Variants in NLRP4 observed in about 807,000 individuals in gnomAD.
The protein encoded by NLRP4 is NACHT, LRR and PYD domains-containing protein 4.
In NLRP4, 44 loss-of-function variants were observed where a neutral mutation model predicts 84.7. The observed-to-expected ratio is 0.52, with a 90% confidence interval of 0.41 to 0.67. The LOEUF (loss-of-function observed/expected upper bound fraction) is 0.67. Among genes scored for constraint, NLRP4 ranks in the 30% least tolerant of loss-of-function variants. The pLI is 0.00. For missense variants in NLRP4, 1,260 were observed against 1,219.4 expected (o/e 1.03, Z -0.50); for synonymous variants, 544 against 476.4 (o/e 1.14, Z -1.85).
At position 55,858,361 on chromosome 19, in the gene NLRP4, A is replaced by C. The variant is rs73935426; in HGVS notation, c.968A>C (p.Glu323Ala). 4.3e-4 allele frequency: 695 copies of C among 1,614,182 alleles called. 8 individuals are homozygous for C. In the African/African-American group the frequency reaches 8.6e-3, roughly 20 times the overall value. The stretch of plus-strand genomic sequence containing the variant: ...TTCAAAGACCCGAAAAGAGCCATGG[A>C]AGCCTTCAATCTTGTAAGAGAAAGT... ...CFFKDPKRAMEAFNLVRESEQ... is the reference protein window; with the variant it reads ...CFFKDPKRAMAAFNLVRESEQ... Residue 323 changes from glutamate (E) to alanine (A), a missense_variant, in exon 3 of 10, where the codon GAA becomes GCA. By Grantham distance (107) the Glu-to-Ala change is moderately radical. Around this residue, in one of 3 missense-constraint regions of NLRP4, gnomAD observed 712 missense variants for 669.2 expected, o/e 1.06. Transcript: ENST00000301295. The surrounding 1 kb of genome is among the most constrained non-coding windows in gnomAD (Gnocchi z 4.2).
chr19:55,857,726 G>A lies in NLRP4; in HGVS notation c.333G>A (p.Trp111Ter). Residue 111 changes from tryptophan (W) to a stop codon, truncating the protein, a stop_gained, in exon 3 of 10, where the codon TGG becomes TGA. Transcript: ENST00000301295. LOFTEE classifies it high-confidence loss of function. ...AHAKQKFSRL[W>*]SSKSVTEIHL... ...CAAAGCAGAAATTCAGCCGCTTATG[G>A]TCCAGCAAGTCTGTCACTGAGATTC... 1 of 1,613,782 alleles carries A rather than the reference G, an allele frequency of 6.2e-7. No homozygotes were observed.
intron 1 of NLRP4, among the ~76,000 whole-genome samples, chr19:55,847,984 G>T (rs983853297): frequency 6.6e-6 from 1 of 152,094 alleles, no homozygotes; most frequent in Non-Finnish European, 1.5e-5. Context: ...CAAAGTGCTG[G>T]GATGACAGGC....
intron 2 of NLRP4, among the ~76,000 whole-genome samples, chr19:55,856,120 A>C (rs1339653258): frequency 6.6e-6 from 1 of 152,086 alleles, no homozygotes; most frequent in East Asian, 1.9e-4. Flanking sequence ...TGGCCTCCCG[A>C]GTAGCTGGGA....
intron 7 of NLRP4, among the ~76,000 whole-genome samples, chr19:55,876,358 G>A (rs901338287): frequency 6.6e-6 from 1 of 152,034 alleles, no homozygotes; most frequent in African/African-American, 2.4e-5. Flanking sequence ...ATGGCATAGT[G>A]TGTGTTTTGA....
chr19:55,843,266 G>A (rs1238526661), intron 1 of NLRP4, among the ~76,000 whole-genome samples: 1 of 152,074 alleles, frequency 6.6e-6, no homozygotes, highest in African/African-American at 2.4e-5. Flanking sequence ...TTTCCCTTTT[G>A]TGTAACTTCT....
In NLRP4 at chr19:55,843,041, C is replaced by G. The variant is rs186669032; in HGVS notation, c.-66+6107C>G. On this transcript the variant is annotated intron_variant, in intron 1 of 9. Transcript: ENST00000301295. ...CCCAAAGTGCTGGGATTACAGGCGT[C>G]AGCCACCGTGCCTGGCCTTATTTCT... 5.8e-3 allele frequency among the ~76,000 whole-genome samples: 884 copies of G among 152,210 alleles called. 6 individuals carry two copies. Among genetic ancestry groups the G allele is most frequent in the Middle Eastern group, 0.014 (4 of 294 alleles).
At chr19:55,837,324 A>G (rs1983372125) in intron 1 of NLRP4, among the ~76,000 whole-genome samples, 1 of 152,144 alleles carries the variant, frequency 6.6e-6, no homozygotes, top group Admixed American at 6.5e-5. Context: ...GTTTACCTGT[A>G]TAACCAGTGT....
intron 1 of NLRP4, among the ~76,000 whole-genome samples, chr19:55,842,393 C>T (rs1245319496): frequency 6.6e-6 from 1 of 152,024 alleles, no homozygotes; most frequent in South Asian, 2.1e-4. Context: ...TTTTCCTCTT[C>T]TCTATTTACT....
chr19:55,879,835 T>C (rs1215790303), intron 9 of NLRP4, among the ~76,000 whole-genome samples: 3 of 152,068 alleles, frequency 2.0e-5, no homozygotes, highest in African/African-American at 7.2e-5. Context: ...CTTATTATTA[T>C]AATACAAATT....
chr19:55,858,712 AG>A lies in NLRP4; in HGVS notation c.1320del (p.Lys440AsnfsTer38). On this transcript the variant is annotated frameshift_variant, in exon 3 of 10. Coordinates refer to ENST00000301295, the MANE Select transcript of NLRP4 (RefSeq NM_134444.5). LOFTEE classifies it high-confidence loss of function. This position sits in a 1 kb window ranked among gnomAD's most constrained non-coding sequence, Gnocchi z 4.2. ...CTGCTGGGCACCAAGATACTTCTGA[AG>A]TACGGGGAGCGTGAGAGCTCCTACG... Reference protein sequence around the residue: ...PALLGTKILLKYGERESSYVF... With the variant: ...PALLGTKILLXYGERESSYVF... 6.2e-7 allele frequency: 1 copy of A among 1,614,106 alleles called. No homozygotes were observed. The highest frequency in any genetic ancestry group is 2.2e-5 in the East Asian group (1 of 44,870).
chr19:55,839,497 C>T (rs1307383013), intron 1 of NLRP4, among the ~76,000 whole-genome samples: 27 of 133,510 alleles, frequency 2.0e-4, no homozygotes, highest in Middle Eastern at 8.1e-3. Flanking sequence ...AAAAAAAAAG[C>T]TTTCAAAACT....
At chr19:55,876,031 C>T (rs145985188) in intron 7 of NLRP4, among the ~76,000 whole-genome samples, 1 of 152,068 alleles carries the variant, frequency 6.6e-6, no homozygotes, top group African/African-American at 2.4e-5. Flanking sequence ...GAGTGAAACT[C>T]CGTCTCAAAT....
chr19:55,867,729 C>T lies in NLRP4; in HGVS notation c.2207C>T (p.Ser736Leu), dbSNP rs757185245. The part of the protein sequence containing the change: ...KELALVNCHL[S>L]PIDCEVLAGL... The stretch of plus-strand genomic sequence containing the variant: ...TGCAGGCTGGTAAATTGTCACCTCT[C>T]ACCCATTGATTGTGAAGTCCTTGCT... Residue 736 changes from serine (S) to leucine (L), a missense_variant, in exon 6 of 10, where the codon TCA (serine) becomes TTA (leucine). This residue lies in a region of NLRP4 where 544 missense variants were observed against 531.7 expected (regional missense o/e 1.02). Coordinates refer to ENST00000301295, the MANE Select transcript of NLRP4 (RefSeq NM_134444.5). 1.9e-6 allele frequency: 3 copies of T among 1,613,990 alleles called. No individual in the cohort carries two copies. Among genetic ancestry groups the T allele is most frequent in the Non-Finnish European group, 2.5e-6 (3 of 1,179,880 alleles).
chr19:55,856,286 G>A (rs906259332), intron 2 of NLRP4, among the ~76,000 whole-genome samples: 14 of 151,838 alleles, frequency 9.2e-5, no homozygotes, highest in African/African-American at 1.7e-4. Context: ...GAGCCACTGC[G>A]CCCAGCCAAC....
At chr19:55,876,498 A>G (rs1213720420) in intron 7 of NLRP4, among the ~76,000 whole-genome samples, 3 of 152,006 alleles carry the variant, frequency 2.0e-5, no homozygotes, top group Non-Finnish European at 2.9e-5. Context: ...ACAGGCACGC[A>G]TCGCCATGCC....
intron 1 of NLRP4, among the ~76,000 whole-genome samples, chr19:55,841,131 T>C (rs1184367147): frequency 6.6e-6 from 1 of 152,228 alleles, no homozygotes; most frequent in Non-Finnish European, 1.5e-5. Flanking sequence ...TAGACACATT[T>C]CTTTGTAGTG....
At chr19:55,837,638 T>C (rs1159712021) in intron 1 of NLRP4, among the ~76,000 whole-genome samples, 1 of 141,462 alleles carries the variant, frequency 7.1e-6, no homozygotes, top group Non-Finnish European at 1.5e-5. Context: ...TCCTAACCCC[T>C]TTATAGGGTG....
chr19:55,845,987 G>A (rs549861653), intron 1 of NLRP4, among the ~76,000 whole-genome samples: 2 of 152,140 alleles, frequency 1.3e-5, no homozygotes, highest in African/African-American at 4.8e-5. Flanking sequence ...TGATCACTCT[G>A]ATGGTGGTTT....
intron 8 of NLRP4, among the ~76,000 whole-genome samples, chr19:55,877,991 C>T (rs1401557438): frequency 6.6e-6 from 1 of 152,146 alleles, no homozygotes; most frequent in African/African-American, 2.4e-5. Flanking sequence ...AGAAAACATC[C>T]AAGATCACCA....
Sources: gnomAD v4.1 joint callset for allele counts (sites outside exome capture counted in the v4.1 genomes callset) on GRCh38, gnomAD v4.1.1 for gene constraint, gnomAD v4.1.1 regional missense constraint, Gnocchi (gnomAD v3.1) non-coding constraint, MANE v1.5 for transcripts, NCBI Gene and HGNC (gene_info 2026-07-23, HGNC 2026-07-21) for gene names.